Variants in KAZN observed in about 807,000 individuals in gnomAD.
The protein encoded by KAZN is kazrin, periplakin interacting protein.
KAZN carries 40 observed loss-of-function variants against 87.4 expected under a neutral mutation model. The ratio of observed to expected loss-of-function variants is 0.46; its 90% CI spans 0.36 to 0.60. KAZN has a LOEUF of 0.60. Ranked by LOEUF, KAZN falls within the 20% of genes least tolerant of loss-of-function variation. KAZN has a pLI of 0.00. For synonymous variants in KAZN, 466 were observed against 458.3 expected, an observed-to-expected ratio of 1.02 and a Z score of -0.22; for missense variants, 898 against 1,073.9, an observed-to-expected ratio of 0.84 and a Z score of 2.29.
chr1:14,432,958 ATG>A (rs546391705), intron 2 of KAZN, among the ~76,000 whole-genome samples: 1 of 151,608 alleles, frequency 6.6e-6, no homozygotes, highest in African/African-American at 2.4e-5. Flanking sequence ...GGCTGTGGCT[ATG>A]TGTGTGTGTG....
intron 1 of KAZN, among the ~76,000 whole-genome samples, chr1:13,957,113 G>A (rs1463239083): frequency 2.0e-5 from 3 of 152,166 alleles, no homozygotes; most frequent in Admixed American, 1.3e-4. Flanking sequence ...GGAGCCTTGT[G>A]ACCTGCCAGG....
intron 1 of KAZN, among the ~76,000 whole-genome samples, chr1:14,046,907 A>G (rs558373830): frequency 3.8e-4 from 58 of 152,342 alleles, no homozygotes; most frequent in African/African-American, 1.4e-3. Context: ...CCTATCAGGG[A>G]GGGACAATCG....
chr1:14,082,322 C>T (rs1643705487), intron 1 of KAZN, among the ~76,000 whole-genome samples: 2 of 152,172 alleles, frequency 1.3e-5, no homozygotes, highest in African/African-American at 4.8e-5. Context: ...TGCATGTCCT[C>T]TTCTTAAAGG....
intron 2 of KAZN, among the ~76,000 whole-genome samples, chr1:14,296,328 C>T (rs12058269): frequency 0.018 from 2,787 of 152,308 alleles, 84 homozygotes; most frequent in African/African-American, 0.062. Context: ...CGTAGAAAGG[C>T]CCCAGTGGGT....
rs148475470 is a variant in KAZN, at chr1:14,705,880, G to A, written c.226+106657G>A. 4.7e-3 allele frequency among the ~76,000 whole-genome samples: 714 copies of A among 152,244 alleles called. 4 individuals are homozygous for A. The highest frequency in any genetic ancestry group is 0.016 in the African/African-American group (664 of 41,538). ...TCTATACCAGGGTTCTCCAACTCCC[G>A]GGGCCACAGACTGGTACCAGTCCAT... On this transcript the variant is annotated intron_variant, in intron 1 of 14. Transcript: ENST00000376030.
intron 1 of KAZN, among the ~76,000 whole-genome samples, chr1:14,123,971 G>A (rs887689670): frequency 6.6e-5 from 10 of 152,148 alleles, no homozygotes; most frequent in East Asian, 5.8e-4. Flanking sequence ...CTGGCCCCTC[G>A]GAGGCTCCTT....
intron 1 of KAZN, among the ~76,000 whole-genome samples, chr1:14,652,070 C>T (rs1236918687): frequency 5.3e-5 from 8 of 152,214 alleles, no homozygotes; most frequent in Non-Finnish European, 8.8e-5. Context: ...GGCAGATCAC[C>T]AGGCCATATG....
chr1:14,643,314 C>T (rs1317402788), intron 1 of KAZN, among the ~76,000 whole-genome samples: 2 of 152,162 alleles, frequency 1.3e-5, no homozygotes, highest in African/African-American at 4.8e-5. Flanking sequence ...GCTCCTCTCC[C>T]TCCTCCCACC....
At chr1:14,093,088 C>G (rs1432844415) in intron 1 of KAZN, among the ~76,000 whole-genome samples, 1 of 152,198 alleles carries the variant, frequency 6.6e-6, no homozygotes. Flanking sequence ...TACACGTCCA[C>G]TGTGCTCCCA....
chr1:14,797,510 T>C (rs1645866627), intron 1 of KAZN, among the ~76,000 whole-genome samples: 1 of 152,148 alleles, frequency 6.6e-6, no homozygotes, highest in Non-Finnish European at 1.5e-5. Flanking sequence ...GAACCAAGAA[T>C]GTTAAAAGGC....
intron 2 of KAZN, among the ~76,000 whole-genome samples, chr1:14,572,236 G>A (rs1459430529): frequency 2.0e-5 from 3 of 152,148 alleles, no homozygotes; most frequent in African/African-American, 7.2e-5. Flanking sequence ...GAATATTTGG[G>A]GGCTTCATAT....
intron 1 of KAZN, among the ~76,000 whole-genome samples, chr1:14,643,497 G>A (rs1028917613): frequency 4.6e-5 from 7 of 152,172 alleles, no homozygotes; most frequent in Admixed American, 3.9e-4. Context: ...CAAAAGACAT[G>A]ATCTCGTTTT....
chr1:14,012,333 T>G (rs1640352041), intron 1 of KAZN, among the ~76,000 whole-genome samples: 1 of 152,236 alleles, frequency 6.6e-6, no homozygotes, highest in South Asian at 2.1e-4. Context: ...GTCATGGTGA[T>G]TCTTCATATT....
At chr1:14,023,776 A>G (rs1640951356) in intron 1 of KAZN, among the ~76,000 whole-genome samples, 1 of 152,178 alleles carries the variant, frequency 6.6e-6, no homozygotes, top group Admixed American at 6.5e-5. Flanking sequence ...GAAGTGGGTG[A>G]GTGAGGATGA....
chr1:14,543,016 C>A (rs1323730832), intron 2 of KAZN, among the ~76,000 whole-genome samples: 1 of 152,060 alleles, frequency 6.6e-6, no homozygotes, highest in Non-Finnish European at 1.5e-5. Flanking sequence ...TACCTACTTG[C>A]AGGGTGTTTT....
chr1:15,055,207 T>A (rs571385644), intron 4 of KAZN, among the ~76,000 whole-genome samples: 1 of 152,332 alleles, frequency 6.6e-6, no homozygotes, highest in Non-Finnish European at 1.5e-5. Flanking sequence ...CCGGGCGCAG[T>A]GGCTCACACC....
At chr1:13,948,983 C>T (rs188098256) in intron 1 of KAZN, among the ~76,000 whole-genome samples, 6 of 152,238 alleles carry the variant, frequency 3.9e-5, no homozygotes, top group East Asian at 1.9e-4. Flanking sequence ...GTCCCAGCAT[C>T]GCCTCTCTGA....
At chr1:15,046,153 C>G (rs1489598082) in intron 4 of KAZN, among the ~76,000 whole-genome samples, 1 of 152,064 alleles carries the variant, frequency 6.6e-6, no homozygotes, top group East Asian at 1.9e-4. Flanking sequence ...CAAAAATTAG[C>G]CAGACATGGC....
intron 1 of KAZN, among the ~76,000 whole-genome samples, chr1:14,063,141 T>C (rs538288492): frequency 9.3e-4 from 141 of 152,330 alleles, no homozygotes; most frequent in African/African-American, 3.3e-3. Context: ...GAACTCTTGG[T>C]TACCTGCCAT....
Sources: allele counts gnomAD v4.1 joint callset (sites outside exome capture counted in the v4.1 genomes callset), GRCh38; gene constraint gnomAD v4.1.1; transcripts MANE v1.5; gene names NCBI Gene and HGNC (gene_info 2026-07-23, HGNC 2026-07-21).